ANKRD39: variants seen among roughly 807,000 people sequenced by gnomAD.
ANKRD39 encodes ankyrin repeat domain-containing protein 39.
In ANKRD39, 18 loss-of-function variants were observed where a neutral mutation model predicts 20.3. That is an observed-to-expected ratio of 0.89 (90% CI 0.61 to 1.32). The LOEUF (loss-of-function observed/expected upper bound fraction) is 1.32. ANKRD39 is among the 40% of genes most tolerant of loss of function. The pLI, the probability that ANKRD39 is intolerant of heterozygous loss-of-function variation, is 0.00. For synonymous variants in ANKRD39, 106 were observed against 111.9 expected, an observed-to-expected ratio of 0.95 and a Z score of 0.33; for missense variants, 243 against 250.7, an observed-to-expected ratio of 0.97 and a Z score of 0.21.
intron 3 of ANKRD39, among the ~76,000 whole-genome samples, chr2:96,852,317 G>T (rs887860578): frequency 4.7e-5 from 7 of 148,616 alleles, no homozygotes; most frequent in East Asian, 2.0e-4. Flanking sequence ...AGCCCAGGAA[G>T]TCGGGGCTGC....
At chr2:96,854,475 T>C (rs2079853751) in intron 1 of ANKRD39, 34 bp from the exon 2 acceptor site, 1 of 1,599,020 alleles carries the variant, frequency 6.3e-7, no homozygotes, top group African/African-American at 1.3e-5. Flanking sequence ...TGAATGATGC[T>C]GAATGGGAGT....
intron 1 of ANKRD39, among the ~76,000 whole-genome samples, chr2:96,856,578 A>C (rs1399497141): frequency 2.0e-5 from 3 of 151,950 alleles, no homozygotes; most frequent in Non-Finnish European, 4.4e-5. Context: ...TACGGGCCGG[A>C]TGATTATTGT....
Position 96,853,382 on chromosome 2 carries a change from G to T in ANKRD39, c.408+19C>A. 1 of 1,556,100 alleles carries T rather than the reference G, an allele frequency of 6.4e-7. No homozygotes were observed. The highest frequency in any genetic ancestry group is 8.7e-7 in the Non-Finnish European group (1 of 1,148,770). On this transcript the variant is annotated intron_variant, in intron 3 of 3. Coordinates refer to ENST00000393537, the MANE Select transcript of ANKRD39 (RefSeq NM_016466.6). ...TAAAAATAAGGAAACGACATTTTTG[G>T]AAGGGGGAACGGGCCCACCTTATGC...
At chr2:96,857,768 A>G (rs1179648992) in intron 1 of ANKRD39, 120 bp downstream of exon 1, 5 of 1,062,628 alleles carry the variant, frequency 4.7e-6, no homozygotes, top group Non-Finnish European at 5.3e-6. Context: ...TTCCCGCACC[A>G]GGCCCCAAGC....
intron 3 of ANKRD39, among the ~76,000 whole-genome samples, chr2:96,851,586 C>T (rs2079837225): frequency 6.6e-6 from 1 of 152,206 alleles, no homozygotes. Flanking sequence ...CCTTTGTGCC[C>T]AGCCAGGCTG....
At chr2:96,851,730 C>T (rs2079838726) in intron 3 of ANKRD39, among the ~76,000 whole-genome samples, 1 of 152,094 alleles carries the variant, frequency 6.6e-6, no homozygotes, top group Admixed American at 6.5e-5. Flanking sequence ...TCCAGGTGAG[C>T]TCACCATGTC....
intron 1 of ANKRD39, among the ~76,000 whole-genome samples, chr2:96,855,184 C>G (rs1559025846): frequency 6.6e-6 from 1 of 152,048 alleles, no homozygotes; most frequent in Admixed American, 6.5e-5. Context: ...CATTATTGCA[C>G]AATCCAAAAA....
chr2:96,854,368 A>C lies in ANKRD39; in HGVS notation c.174T>G (p.Ser58Arg). Residue 58 changes from serine to arginine, a missense_variant, in exon 2 of 4, where the codon AGT becomes AGG. Physicochemically the swap from Ser to Arg is moderately radical, Grantham distance 110 (BLOSUM62 -1). Coordinates refer to ENST00000393537, the MANE Select transcript of ANKRD39 (RefSeq NM_016466.6). ...CAGTGTAGCCGGCCGAGTCGGGCTG[A>C]CTTGGGTCCTCGGCCTTCTGGATTA... Reference protein sequence around the residue: ...KHLIQKAEDPSQPDSAGYTAL... With the variant: ...KHLIQKAEDPRQPDSAGYTAL... 6.2e-7 allele frequency: 1 copy of C among 1,614,102 alleles called. No individual in the cohort carries two copies. Among genetic ancestry groups the C allele is most frequent in the Non-Finnish European group, 8.5e-7 (1 of 1,180,024 alleles).
At chr2:96,851,887 G>GT (rs1340967368) in intron 3 of ANKRD39, among the ~76,000 whole-genome samples, 2 of 152,134 alleles carry the variant, frequency 1.3e-5, no homozygotes, top group Non-Finnish European at 2.9e-5. Context: ...GGACAGAGTA[G>GT]TAGGTTCAAG....
intron 3 of ANKRD39, among the ~76,000 whole-genome samples, 164 bp from the exon 4 acceptor site, chr2:96,848,608 C>T (rs1238225196): frequency 6.6e-6 from 1 of 152,134 alleles, no homozygotes; most frequent in Non-Finnish European, 1.5e-5. Flanking sequence ...AGGCGGATCA[C>T]AAGGTCAAGA....
intron 3 of ANKRD39, among the ~76,000 whole-genome samples, chr2:96,851,968 A>C (rs1049033992): frequency 1.3e-5 from 2 of 152,156 alleles, no homozygotes; most frequent in African/African-American, 4.8e-5. Flanking sequence ...GCTTGGGCCC[A>C]GGTGTCGAGA....
intron 3 of ANKRD39, among the ~76,000 whole-genome samples, chr2:96,852,135 C>T (rs2153359762): frequency 6.6e-6 from 1 of 152,046 alleles, no homozygotes; most frequent in South Asian, 2.1e-4. Context: ...TGCTTGAGCC[C>T]AGGAGGTCGA....
chr2:96,857,933 C>T lies in ANKRD39; in HGVS notation c.55G>A (p.Val19Met), dbSNP rs1471797119. ...DGPCCSHPSA[V>M]LGVQQTLEEM... ...TCCAGCGTCTGCTGTACGCCGAGCA[C>T]CGCGCTGGGATGCGAGCAGCAGGGC... The change falls in exon 1 of 4, where the codon GTG (valine) becomes ATG (methionine). Residue 19 changes from valine to methionine, a missense_variant. Transcript: ENST00000393537. The T allele has an allele frequency of 1.9e-6, 3 of 1,583,316 alleles. No individual in the cohort carries two copies. The highest frequency in any genetic ancestry group is 2.3e-5 in the East Asian group (1 of 43,956).
At chr2:96,851,765 G>A (rs1256481228) in intron 3 of ANKRD39, among the ~76,000 whole-genome samples, 2 of 152,140 alleles carry the variant, frequency 1.3e-5, no homozygotes, top group Non-Finnish European at 2.9e-5. Flanking sequence ...GGCTCTCGTG[G>A]GGTGTGATGT....
rs566177154 is a variant in ANKRD39, at chr2:96,854,352, C to T, written c.190G>A (p.Gly64Ser). The change falls in exon 2 of 4, where the codon GGC becomes AGC. Residue 64 changes from glycine (G) to serine (S), a missense_variant. Gly to Ser is a moderately conservative substitution (Grantham distance 56). Coordinates refer to ENST00000393537, the MANE Select transcript of ANKRD39 (RefSeq NM_016466.6). ...AEDPSQPDSA[G>S]YTALHYASRN... ...CCCTAGCTCACCAGCGCAGTGTAGC[C>T]GGCCGAGTCGGGCTGACTTGGGTCC... The T allele has an allele frequency of 1.1e-5, 18 of 1,614,030 alleles. No homozygotes were observed. Among genetic ancestry groups the T allele is most frequent in the African/African-American group, 1.1e-4 (8 of 75,026 alleles).
In ANKRD39 at chr2:96,853,488, G is replaced by A. The variant is rs547948538; in HGVS notation, c.321C>T (p.Cys107=). The part of the protein sequence containing the change: ...GATALHRASY[C]GHTEIARLLL... ...GGAGCCGCGCGATTTCAGTGTGCCC[G>A]CAGTAGCTGGCTCGGTGCAGAGCAG... The change falls in exon 3 of 4, where the codon TGC becomes TGT. Residue 107 remains cysteine (C), a synonymous_variant. Transcript: ENST00000393537. 1.7e-5 allele frequency: 28 copies of A among 1,611,606 alleles called. No individual in the cohort carries two copies. Among genetic ancestry groups the A allele is most frequent in the East Asian group, 8.9e-5 (4 of 44,726 alleles).
At chr2:96,850,010 G>A (rs987264520) in intron 3 of ANKRD39, among the ~76,000 whole-genome samples, 1 of 152,204 alleles carries the variant, frequency 6.6e-6, no homozygotes, top group Non-Finnish European at 1.5e-5. Flanking sequence ...ATGAAGAAAT[G>A]CAGGCTTAAT....
At chr2:96,853,219 G>A (rs1381481225) in intron 3 of ANKRD39, among the ~76,000 whole-genome samples, 182 bp downstream of exon 3, 4 of 152,170 alleles carry the variant, frequency 2.6e-5, no homozygotes, top group Admixed American at 6.5e-5. Flanking sequence ...TAATTTACAC[G>A]CTCAGAAAAA....
At chr2:96,857,808 C>T in intron 1 of ANKRD39, 80 bp downstream of exon 1, 1 of 1,429,932 alleles carries the variant, frequency 7.0e-7, no homozygotes. Flanking sequence ...GGGCCCCGTT[C>T]ATCCGCCTCT....
Sources: allele counts gnomAD v4.1 joint callset (sites outside exome capture counted in the v4.1 genomes callset), GRCh38; gene constraint gnomAD v4.1.1; transcripts MANE v1.5; gene names NCBI Gene and HGNC (gene_info 2026-07-23, HGNC 2026-07-21).